The following GLIPR1L1 variants were observed in gnomAD, a reference collection of about 807,000 sequenced individuals.
The protein encoded by GLIPR1L1 is GLIPR1-like protein 1.
GLIPR1L1 carries 26 observed loss-of-function variants against 29.9 expected under a neutral mutation model. The observed-to-expected ratio is 0.87, with a 90% CI of 0.64 to 1.21. The LOEUF is 1.21. Ranked by LOEUF, GLIPR1L1 falls within the 50% of genes most tolerant of loss-of-function variation. The probability of loss-of-function intolerance (pLI) is 0.00; values close to 1 mark genes in which losing one functional copy is unlikely to be tolerated. For synonymous variants in GLIPR1L1, 77 were observed against 97.5 expected (o/e 0.79, Z 1.24); for missense variants, 305 against 290.3 (o/e 1.05, Z -0.37).
chr12:75,358,549 C>A (rs1378584229), intron 3 of GLIPR1L1, among the ~76,000 whole-genome samples: 1 of 150,922 alleles, frequency 6.6e-6, no homozygotes. Context: ...GGGAATGTCA[C>A]AAATCCAACA....
chr12:75,343,584 A>G, intron 1 of GLIPR1L1, 109 bp from the exon 2 acceptor site: 1 of 830,682 alleles, frequency 1.2e-6, no homozygotes, highest in Non-Finnish European at 1.8e-6. Context: ...GAAAAACTAC[A>G]TCTTATTAAA....
chr12:75,340,905 A>C (rs2042058869), intron 1 of GLIPR1L1, among the ~76,000 whole-genome samples: 1 of 152,106 alleles, frequency 6.6e-6, no homozygotes, highest in African/African-American at 2.4e-5. Context: ...TTAGGAAAGC[A>C]AAAATAAAAA....
chr12:75,368,778 T>C (rs1202532054), intron 4 of GLIPR1L1, among the ~76,000 whole-genome samples: 1 of 151,986 alleles, frequency 6.6e-6, no homozygotes, highest in African/African-American at 2.4e-5. Flanking sequence ...CTGATTAATT[T>C]TTTAATGTTT....
intron 3 of GLIPR1L1, among the ~76,000 whole-genome samples, chr12:75,353,329 C>T (rs1248119470): frequency 6.6e-6 from 1 of 152,150 alleles, no homozygotes; most frequent in Non-Finnish European, 1.5e-5. Context: ...ACTGACCCCA[C>T]AGAAATACAA....
rs2042267036 is a variant in GLIPR1L1, at chr12:75,343,749, T to A, written c.231T>A (p.Phe77Leu). ...MAKAWANQCK[F>L]EHNDCLDKSY... ...AAGCATGGGCAAACCAGTGCAAATT[T>A]GAACATAATGACTGTTTGGATAAAT... Residue 77 changes from phenylalanine (F) to leucine (L), a missense_variant, in exon 2 of 6, where the codon TTT becomes TTA. Phe to Leu is a conservative substitution (Grantham distance 22). Coordinates refer to ENST00000378695, the MANE Select transcript of GLIPR1L1 (RefSeq NM_001304964.2). 5 of 1,612,796 alleles carry A rather than the reference T, an allele frequency of 3.1e-6. No homozygotes were observed. In the South Asian group the frequency reaches 5.5e-5, roughly 18 times the overall value.
rs2041614795 is a variant in GLIPR1L1, at chr12:75,334,902, G to A, written c.174G>A (p.Met58Ile). The A allele has an allele frequency of 6.2e-7, 1 of 1,613,182 alleles. No individual in the cohort carries two copies. Among genetic ancestry groups the A allele is most frequent in the Non-Finnish European group, 8.5e-7 (1 of 1,179,404 alleles). Residue 58 changes from methionine to isoleucine, a missense_variant and splice_region_variant, in exon 1 of 6, where the codon ATG becomes ATA. Transcript: ENST00000378695. Reference sequence around the variant, plus strand: ...CTCCCGCGGCCGACATGAAATACATGGTGAGAAAGAACCAGGGCTGGGCTC... The same window carrying A: ...CTCCCGCGGCCGACATGAAATACATAGTGAGAAAGAACCAGGGCTGGGCTC... ...VNPPAADMKY[M>I]IWDKGLAKMA...
chr12:75,350,952 A>G (rs887952006), intron 3 of GLIPR1L1, among the ~76,000 whole-genome samples: 8 of 152,206 alleles, frequency 5.3e-5, no homozygotes, highest in Non-Finnish European at 1.2e-4. Flanking sequence ...GAACCATGAT[A>G]AAATATTACA....
chr12:75,358,823 T>C (rs1159966862), intron 3 of GLIPR1L1, among the ~76,000 whole-genome samples: 2 of 143,892 alleles, frequency 1.4e-5, no homozygotes, highest in African/African-American at 5.1e-5. Context: ...TTTAAATATA[T>C]ATAATATATA....
chr12:75,355,504 C>T (rs1274947885), intron 3 of GLIPR1L1, among the ~76,000 whole-genome samples: 1 of 152,082 alleles, frequency 6.6e-6, no homozygotes, highest in Non-Finnish European at 1.5e-5. Flanking sequence ...GAAATAGGAA[C>T]GTTTTTACAC....
chr12:75,358,723 ATATAT>A (rs1178229743), intron 3 of GLIPR1L1, among the ~76,000 whole-genome samples: 4 of 134,050 alleles, frequency 3.0e-5, no homozygotes, highest in East Asian at 2.2e-4. Flanking sequence ...CATATATATA[ATATAT>A]TATATATATG....
chr12:75,335,001 A>G (rs2041625585), intron 1 of GLIPR1L1, 99 bp downstream of exon 1: 1 of 1,188,946 alleles, frequency 8.4e-7, no homozygotes, highest in East Asian at 2.4e-5. Context: ...TTCAATCCGG[A>G]CTTTACATAT....
intron 3 of GLIPR1L1, among the ~76,000 whole-genome samples, chr12:75,356,920 A>G (rs76049687): frequency 0.059 from 8,909 of 152,260 alleles, 333 homozygotes; most frequent in African/African-American, 0.11. Flanking sequence ...TAGGCACAAC[A>G]GCAGACACGT....
chr12:75,347,609 C>T lies in GLIPR1L1; in HGVS notation c.421-13C>T. On this transcript the variant is annotated splice_polypyrimidine_tract_variant and intron_variant, in intron 2 of 5. Coordinates refer to ENST00000378695, the MANE Select transcript of GLIPR1L1 (RefSeq NM_001304964.2). ...TTTTCCATATTTTATCTTGACATTC[C>T]TTTTCTTTATAGTTAGTTTGGGCCA... is the stretch of plus-strand genomic sequence containing the variant. 1 of 1,565,144 alleles carries T rather than the reference C, an allele frequency of 6.4e-7. No individual in the cohort carries two copies. The highest frequency in any genetic ancestry group is 2.3e-5 in the East Asian group (1 of 44,192).
At chr12:75,336,589 C>G (rs940551033) in intron 1 of GLIPR1L1, among the ~76,000 whole-genome samples, 4 of 151,340 alleles carry the variant, frequency 2.6e-5, no homozygotes, top group African/African-American at 7.3e-5. Context: ...AATAAAAGGG[C>G]TAATTCAACA....
intron 4 of GLIPR1L1, among the ~76,000 whole-genome samples, chr12:75,363,550 C>T (rs1451064004): frequency 6.6e-6 from 1 of 152,106 alleles, no homozygotes; most frequent in Admixed American, 6.6e-5. Context: ...ATTTGTCAGT[C>T]AATGTCCAAA....
At chr12:75,356,733 A>G (rs7979548) in intron 3 of GLIPR1L1, among the ~76,000 whole-genome samples, 10,187 of 152,278 alleles carry the variant, frequency 0.067, 477 homozygotes, top group African/African-American at 0.14. Context: ...TAAATGCCCC[A>G]AACTAAAAAA....
intron 4 of GLIPR1L1, among the ~76,000 whole-genome samples, chr12:75,367,901 C>T (rs2044091437): frequency 6.6e-6 from 1 of 152,094 alleles, no homozygotes; most frequent in Admixed American, 6.5e-5. Context: ...CAATGTTTCA[C>T]CATTGTGTAT....
At chr12:75,366,855 A>G in intron 4 of GLIPR1L1, 1 of 700,930 alleles carries the variant, frequency 1.4e-6, no homozygotes, top group Non-Finnish European at 2.6e-6. Context: ...CATTTCTTGA[A>G]TGAGTCTTTT....
chr12:75,363,265 G>T, intron 4 of GLIPR1L1, 75 bp downstream of exon 4: 1 of 654,542 alleles, frequency 1.5e-6, no homozygotes, highest in South Asian at 4.3e-5. Context: ...TTAAAATTTG[G>T]CTTCTCAAGT....
Sources: allele counts gnomAD v4.1 joint callset (sites outside exome capture counted in the v4.1 genomes callset), GRCh38; gene constraint gnomAD v4.1.1; transcripts MANE v1.5; gene names NCBI Gene and HGNC (gene_info 2026-07-23, HGNC 2026-07-21).